The following IGF2 variants were observed in gnomAD, a reference collection of about 807,000 sequenced individuals.
IGF2 encodes the protein insulin-like growth factor 2.
IGF2 carries 2 observed loss-of-function variants against 12.0 expected under a neutral mutation model. The ratio of observed to expected loss-of-function variants is 0.17; its 90% CI spans 0.07 to 0.52. The LOEUF (loss-of-function observed/expected upper bound fraction) is 0.52, where lower values mean the gene tolerates loss of function less well. Ranked by LOEUF, IGF2 falls within the 20% of genes least tolerant of loss-of-function variation. The probability of loss-of-function intolerance (pLI) is 0.95; values close to 1 mark genes in which losing one functional copy is unlikely to be tolerated. For missense variants in IGF2, 211 were observed against 268.0 expected (o/e 0.79, Z 1.48); for synonymous variants, 105 against 110.1 (o/e 0.95, Z 0.29).
chr11:2,139,913 C>T (rs1434313714), upstream of IGF2, among the ~76,000 whole-genome samples: 1 of 152,112 alleles, frequency 6.6e-6, no homozygotes, highest in Non-Finnish European at 1.5e-5. Flanking sequence ...CGCGCAGCCG[C>T]CACCTGCCCC....
chr11:2,149,241 C>A, the IGF2 span: 1 of 1,613,522 alleles, frequency 6.2e-7, no homozygotes, highest in Non-Finnish European at 8.5e-7. Context: ...GATCCGCCGG[C>A]CTGGCCAATA....
In IGF2 at chr11:2,138,209, G is replaced by C. The variant is rs1590125007; in HGVS notation, c.-7+20C>G. On this transcript the variant is annotated intron_variant, in intron 1 of 3. Coordinates refer to ENST00000416167, the MANE Select transcript of IGF2 (RefSeq NM_000612.6). ...GCCGCCCCAGCCCCGGCCCCGGCCCGGCCCGCACACGCCGCTTACCTGGAA... is the reference window on the plus strand; with the variant it reads ...GCCGCCCCAGCCCCGGCCCCGGCCCCGCCCGCACACGCCGCTTACCTGGAA... 1.0e-6 allele frequency: 1 copy of C among 984,440 alleles called. No individual in the cohort carries two copies. Among genetic ancestry groups the C allele is most frequent in the South Asian group, 4.7e-5 (1 of 21,430 alleles). 61.0% of individuals were successfully genotyped at this position (984,440 alleles called of 1,614,324 possible).
Position 2,139,250 on chromosome 11 carries a change from C to A in IGF2, c.-1028G>T, listed in dbSNP as rs1246644624. 6.9e-6 allele frequency: 1 copy of A among 145,114 alleles called. No homozygotes were observed. Among genetic ancestry groups the A allele is most frequent in the Non-Finnish European group, 1.5e-5 (1 of 66,110 alleles). 9.0% of individuals were successfully genotyped at this position (145,114 alleles called of 1,614,324 possible). On this transcript the variant is annotated 5_prime_UTR_variant, in exon 1 of 4. Transcript: ENST00000416167. ...CGGGAGTCAGCAGCGAGGCAGCGGGCGGCGTCGACGCGGGGCCGCCTTGCC... is the reference window on the plus strand; with the variant it reads ...CGGGAGTCAGCAGCGAGGCAGCGGGAGGCGTCGACGCGGGGCCGCCTTGCC...
At chr11:2,146,093 AC>A (rs952479452), upstream of IGF2, 1 of 424,722 alleles carries the variant, frequency 2.4e-6, no homozygotes, top group African/African-American at 2.0e-5. Flanking sequence ...CCACTGGCAA[AC>A]CCACATTCCA....
At chr11:2,147,995 A>G in the IGF2 span, 2 of 405,278 alleles carry the variant, frequency 4.9e-6, no homozygotes, top group Non-Finnish European at 8.6e-6. The surrounding 1 kb of genome is among the most constrained non-coding windows in gnomAD (Gnocchi z 7.2). Flanking sequence ...CTTTCAAAGT[A>G]TAAGGGAGGG....
In IGF2 at chr11:2,133,707, A is replaced by G. The variant is rs1467432498; in HGVS notation, c.158-42T>C. On this transcript the variant is annotated intron_variant, in intron 2 of 3. Transcript: ENST00000416167. The surrounding 1 kb of genome is among the most constrained non-coding windows in gnomAD (Gnocchi z 8.9). ...ACAGAGAGAGCCGTGTTAGCACCGCACTGACCCCAGCCCCCGGAGGCTGAA... is the reference window on the plus strand; with the variant it reads ...ACAGAGAGAGCCGTGTTAGCACCGCGCTGACCCCAGCCCCCGGAGGCTGAA... The G allele has an allele frequency of 6.2e-7, 1 of 1,607,228 alleles. No individual in the cohort carries two copies. Among genetic ancestry groups the G allele is most frequent in the East Asian group, 2.2e-5 (1 of 44,488 alleles).
the IGF2 span, chr11:2,147,145 G>T: frequency 0.29 from 44,254 of 154,590 alleles, 7,695 homozygotes; most frequent in Admixed American, 0.44. The surrounding 1 kb of genome is among the most constrained non-coding windows in gnomAD (Gnocchi z 7.2). Flanking sequence ...GGGAGAACCC[G>T]GGGGTCTCAC....
rs1859312480 is a variant in IGF2 at position 2,138,876 on chromosome 11, C to T, written c.-654G>A. The T allele has an allele frequency of 1.0e-6, 1 of 976,960 alleles. No homozygotes were observed. The highest frequency in any genetic ancestry group is 6.3e-5 in the Admixed American group (1 of 15,778). 60.5% of individuals were successfully genotyped at this position (976,960 alleles called of 1,614,324 possible). A position where few individuals can be genotyped will look rare whatever the true frequency, so the allele number is the denominator to read the frequency against. On this transcript the variant is annotated 5_prime_UTR_variant, in exon 1 of 4. Transcript: ENST00000416167. ...GCCGGGGGAGGCGGTGACTGGGGGG[C>T]GGAGTGGAGGCTGCACCCGGACCGC...
upstream of IGF2, among the ~76,000 whole-genome samples, chr11:2,142,926 A>C (rs1004549683): frequency 2.6e-5 from 4 of 151,988 alleles, no homozygotes; most frequent in Non-Finnish European, 4.4e-5. The surrounding 1 kb of genome is among the most constrained non-coding windows in gnomAD (Gnocchi z 5.7). Context: ...GTAACTGCTC[A>C]GTGTGCTCCA....
chr11:2,137,530 G>T (rs1422699911), intron 1 of IGF2, among the ~76,000 whole-genome samples: 1 of 59,002 alleles, frequency 1.7e-5, no homozygotes, highest in Non-Finnish European at 4.8e-5. Context: ...GGGCAGTGAA[G>T]GGGGGGGGGG....
Position 2,132,025 on chromosome 11 carries a change from C to CTGTGTGTTTG in IGF2, c.*961_*962insCAAACACACA, listed in dbSNP as rs1858638128. ...TGTGTGCTGTGTGCTCATCTGTGTGCTGTGTGTGCTGTGCGTTTGTGTGTG... is the reference window on the plus strand; with the variant it reads ...TGTGTGCTGTGTGCTCATCTGTGTGCTGTGTGTTTGTGTGTGTGCTGTGCGTTTGTGTGTG... On this transcript the variant is annotated 3_prime_UTR_variant, in exon 4 of 4. Transcript: ENST00000416167. 3.3e-5 allele frequency: 1 copy of CTGTGTGTTTG among 30,582 alleles called. No homozygotes were observed. The highest frequency in any genetic ancestry group is 3.1e-4 in the African/African-American group (1 of 3,194). The allele number at this position is 30,582 out of a possible 1,614,324, so 1.9% of individuals were successfully genotyped here. A position where few individuals can be genotyped will look rare whatever the true frequency, so the allele number is the denominator to read the frequency against.
the IGF2 span, chr11:2,149,358 AG>A: frequency 6.2e-7 from 1 of 1,606,730 alleles, no homozygotes; most frequent in Non-Finnish European, 8.5e-7. Flanking sequence ...GGAGAAACGA[AG>A]GGCACTTTTA....
upstream of IGF2, chr11:2,140,122 G>T (rs759334402): frequency 1.2e-6 from 2 of 1,611,414 alleles, no homozygotes; most frequent in East Asian, 4.5e-5. Context: ...GGGAAACACA[G>T]CTCAAATCCT....
At chr11:2,136,651 G>C (rs1265008940) in intron 1 of IGF2, among the ~76,000 whole-genome samples, 1 of 152,282 alleles carries the variant, frequency 6.6e-6, no homozygotes, top group Non-Finnish European at 1.5e-5. Flanking sequence ...TGAGCAGGCA[G>C]TGGGACAGAA....
upstream of IGF2, among the ~76,000 whole-genome samples, chr11:2,142,330 G>C (rs920067161): frequency 6.6e-6 from 1 of 152,114 alleles, no homozygotes; most frequent in Non-Finnish European, 1.5e-5. This position sits in a 1 kb window ranked among gnomAD's most constrained non-coding sequence, Gnocchi z 5.7. Flanking sequence ...TAAAGATCTA[G>C]GGAAGTTGCT....
intron 1 of IGF2, among the ~76,000 whole-genome samples, chr11:2,136,957 TG>T (rs370358992): frequency 1.0e-3 from 155 of 150,682 alleles, no homozygotes; most frequent in African/African-American, 3.4e-3. Flanking sequence ...AGTCCTGAGC[TG>T]GGCAAGGAGG....
At chr11:2,146,365 G>A in the IGF2 span, 2 of 535,380 alleles carry the variant, frequency 3.7e-6, no homozygotes, top group Non-Finnish European at 3.8e-6. Context: ...GGGCGCCGCA[G>A]ACGAGGCGCT....
At position 2,129,214 on chromosome 11, in the gene IGF2, T is replaced by C. The variant is rs2585; in HGVS notation, c.*3773A>G. On this transcript the variant is annotated 3_prime_UTR_variant, in exon 4 of 4. Coordinates refer to ENST00000416167, the MANE Select transcript of IGF2 (RefSeq NM_000612.6). The surrounding 1 kb of genome is among the most constrained non-coding windows in gnomAD (Gnocchi z 8.1). Reference sequence around the variant, plus strand: ...GCCGGAAATATTAGCGTTAAAGGAGTTGAGTTGAGTCAAACACGGGCCGCA... The same window carrying C: ...GCCGGAAATATTAGCGTTAAAGGAGCTGAGTTGAGTCAAACACGGGCCGCA... The C allele has an allele frequency of 0.74, 146,941 of 198,006 alleles. 55,627 individuals are homozygous for C. The highest frequency in any genetic ancestry group is 0.9 in the African/African-American group (39,047 of 43,404). The allele number at this position is 198,006 out of a possible 1,614,324, so 12.3% of individuals were successfully genotyped here.
At chr11:2,134,396 G>A (rs983285265) in intron 2 of IGF2, among the ~76,000 whole-genome samples, 6 of 152,220 alleles carry the variant, frequency 3.9e-5, no homozygotes, top group Non-Finnish European at 7.3e-5. Context: ...CCTGGGCAAG[G>A]ACTGGCTGGC....
Sources: allele counts gnomAD v4.1 joint callset (sites outside exome capture counted in the v4.1 genomes callset), GRCh38; gene constraint gnomAD v4.1.1; non-coding constraint Gnocchi (gnomAD v3.1); transcripts MANE v1.5; gene names NCBI Gene and HGNC (gene_info 2026-07-23, HGNC 2026-07-21).